The following UNC79 variants were observed in gnomAD, a reference collection of about 807,000 sequenced individuals.
UNC79 encodes protein unc-79 homolog.
In UNC79, 37 loss-of-function variants were observed where a neutral mutation model predicts 283.1. The ratio of observed to expected loss-of-function variants is 0.13; its 90% CI spans 0.10 to 0.17. UNC79 has a LOEUF of 0.17. Ranked by LOEUF, UNC79 falls within the 10% of genes least tolerant of loss-of-function variation. The pLI, the probability that UNC79 is intolerant of heterozygous loss-of-function variation, is 1.00. For synonymous variants in UNC79, 1,107 were observed against 1,200.2 expected (o/e 0.92, Z 1.61); for missense variants, 2,272 against 3,211.1 (o/e 0.71, Z 7.07).
chr14:93,366,879 A>C (rs539021232), intron 1 of UNC79, among the ~76,000 whole-genome samples: 18 of 152,068 alleles, frequency 1.2e-4, no homozygotes, highest in African/African-American at 4.1e-4. Context: ...AGCCTTTCTT[A>C]ATTCTTTTTA....
intron 1 of UNC79, among the ~76,000 whole-genome samples, chr14:93,380,089 A>G (rs2054636335): frequency 6.6e-6 from 1 of 152,072 alleles, no homozygotes; most frequent in Non-Finnish European, 1.5e-5. Context: ...TAAAGACACA[A>G]CATAAGTAAG....
intron 7 of UNC79, among the ~76,000 whole-genome samples, chr14:93,523,020 A>C (rs568516851): frequency 6.6e-6 from 1 of 152,302 alleles, no homozygotes; most frequent in Non-Finnish European, 1.5e-5. Flanking sequence ...ATATCTTCTC[A>C]TCTGCAAATT....
At chr14:93,423,755 A>C (rs2055662095) in intron 1 of UNC79, among the ~76,000 whole-genome samples, 1 of 152,234 alleles carries the variant, frequency 6.6e-6, no homozygotes, top group Admixed American at 6.5e-5. Flanking sequence ...TCCAACAATG[A>C]AACTACTAAA....
intron 20 of UNC79, among the ~76,000 whole-genome samples, chr14:93,583,023 T>G (rs1171322245): frequency 6.6e-6 from 1 of 152,068 alleles, no homozygotes; most frequent in East Asian, 1.9e-4. Flanking sequence ...CCGGAAGAGT[T>G]AGAATAGCTT....
intron 4 of UNC79, among the ~76,000 whole-genome samples, chr14:93,485,579 G>A (rs970162896): frequency 2.6e-5 from 4 of 152,096 alleles, no homozygotes; most frequent in South Asian, 2.1e-4. Flanking sequence ...AGCAGCCAGC[G>A]TGCACTTTGT....
At chr14:93,483,345 C>CCT (rs1202097235) in intron 4 of UNC79, among the ~76,000 whole-genome samples, 3 of 152,070 alleles carry the variant, frequency 2.0e-5, no homozygotes, top group African/African-American at 4.8e-5. Flanking sequence ...GTAGAGTAGC[C>CCT]ACTAGCCCCA....
intron 1 of UNC79, among the ~76,000 whole-genome samples, chr14:93,386,160 T>C (rs1025206720): frequency 6.6e-6 from 1 of 152,176 alleles, no homozygotes; most frequent in African/African-American, 2.4e-5. Flanking sequence ...ATACCCAGTT[T>C]TTTTGGGTTT....
In UNC79 at chr14:93,698,476, G is replaced by GTTTTTTT. The variant is rs71129655; in HGVS notation, c.7548+4085_7548+4091dup. On this transcript the variant is annotated intron_variant, in intron 47 of 48. Coordinates refer to ENST00000555664, the Ensembl canonical transcript of UNC79. ...TGGTAATATTTTTAGTTTAGTTTAG[G>GTTTTTTT]TTTTTTTTTTTTTTTTTTTTTTTTT... 8.2e-4 allele frequency among the ~76,000 whole-genome samples: 65 copies of GTTTTTTT among 79,106 alleles called. 13 individuals carry two copies. Among genetic ancestry groups the GTTTTTTT allele is most frequent in the South Asian group, 7.8e-3 (13 of 1,660 alleles). The allele number at this position is 79,106 out of a possible 152,430, so 51.9% of individuals were successfully genotyped here. A position where few individuals can be genotyped will look rare whatever the true frequency, so the allele number is the denominator to read the frequency against.
intron 41 of UNC79, 139 bp from the exon 45 acceptor site, chr14:93,682,478 A>G (rs775668672): frequency 3.9e-5 from 27 of 685,750 alleles, no homozygotes; most frequent in South Asian, 1.3e-4. Context: ...AACCATCATG[A>G]TTAGCAAATC....
intron 10 of UNC79, among the ~76,000 whole-genome samples, chr14:93,532,085 G>C (rs1178492396): frequency 6.6e-6 from 1 of 151,968 alleles, no homozygotes; most frequent in Admixed American, 6.6e-5. Flanking sequence ...TAATTTATGA[G>C]CCAAGTGAAA....
chr14:93,585,811 A>G (rs1040833719), intron 20 of UNC79, among the ~76,000 whole-genome samples: 2 of 150,374 alleles, frequency 1.3e-5, no homozygotes, highest in African/African-American at 4.9e-5. Context: ...TTCAAAATCT[A>G]CCTCTTTTTG....
intron 14 of UNC79, among the ~76,000 whole-genome samples, chr14:93,570,220 T>C (rs2063136307): frequency 6.6e-6 from 1 of 152,204 alleles, no homozygotes; most frequent in Non-Finnish European, 1.5e-5. Flanking sequence ...CAGTTATTTT[T>C]TTAATACCTC....
intron 26 of UNC79, among the ~76,000 whole-genome samples, chr14:93,608,784 A>T (rs1467929654): frequency 2.6e-5 from 4 of 152,152 alleles, no homozygotes; most frequent in Non-Finnish European, 5.9e-5. Flanking sequence ...CTGCTTTGGG[A>T]CTTTATCAAT....
chr14:93,398,529 A>G (rs1191621010), intron 1 of UNC79, among the ~76,000 whole-genome samples: 2 of 152,206 alleles, frequency 1.3e-5, no homozygotes, highest in Non-Finnish European at 2.9e-5. Flanking sequence ...ACACTGGTCC[A>G]GAGAACTCTG....
At chr14:93,461,329 T>TA (rs2056954543) in intron 1 of UNC79, among the ~76,000 whole-genome samples, 1 of 152,228 alleles carries the variant, frequency 6.6e-6, no homozygotes, top group Admixed American at 6.5e-5. Flanking sequence ...ATTTAAAACT[T>TA]ACGTTTTATA....
At chr14:93,572,599 C>G (rs2063269007) in intron 15 of UNC79, 94 bp from the exon 16 acceptor site, 2 of 1,549,652 alleles carry the variant, frequency 1.3e-6, no homozygotes, top group Non-Finnish European at 1.7e-6. Flanking sequence ...AGGCTTGGCT[C>G]TCCAAATAGG....
At chr14:93,691,397 C>T in intron 45 of UNC79, 1 of 357,150 alleles carries the variant, frequency 2.8e-6, no homozygotes, top group South Asian at 3.9e-5. Flanking sequence ...CCCCATTTTA[C>T]AGATGAGGAA....
At chr14:93,641,330 G>T (rs1364242112) in intron 33 of UNC79, 83 bp downstream of exon 36, 2 of 1,352,020 alleles carry the variant, frequency 1.5e-6, no homozygotes, top group Non-Finnish European at 2.0e-6. Flanking sequence ...TTCAGAAAAA[G>T]CATGCTTTGC....
Position 93,612,794 on chromosome 14 carries a change from C to CA in UNC79, c.3755-2dup, listed in dbSNP as rs770702065. ...CCACTGACAGCCTTTCTTCTACTGA[C>CA]AGGACAACAATCTCCTGAGAATGAC... On this transcript the variant is annotated splice_region_variant and splice_polypyrimidine_tract_variant and intron_variant, in intron 26 of 48. Coordinates refer to ENST00000555664, the Ensembl canonical transcript of UNC79. The CA allele has an allele frequency of 6.2e-7, 1 of 1,610,732 alleles. No homozygotes were observed. Among genetic ancestry groups the CA allele is most frequent in the Non-Finnish European group, 8.5e-7 (1 of 1,177,410 alleles).
Sources: allele counts gnomAD v4.1 joint callset (sites outside exome capture counted in the v4.1 genomes callset), GRCh38; gene constraint gnomAD v4.1.1; transcripts MANE v1.5; gene names NCBI Gene and HGNC (gene_info 2026-07-23, HGNC 2026-07-21).